Variants in NAA35 observed in about 807,000 individuals in gnomAD.
NAA35 encodes MAK10 homolog, amino-acid N-acetyltransferase subunit.
NAA35 carries 18 observed loss-of-function variants against 101.7 expected under a neutral mutation model. That is an observed-to-expected ratio of 0.18 (90% CI 0.12 to 0.26). The LOEUF (loss-of-function observed/expected upper bound fraction) is 0.26. Ranked by LOEUF, NAA35 falls within the 10% of genes least tolerant of loss-of-function variation. NAA35 has a pLI of 1.00. For missense variants in NAA35, 601 were observed against 886.8 expected, an observed-to-expected ratio of 0.68 and a Z score of 4.09; for synonymous variants, 267 against 273.1, an observed-to-expected ratio of 0.98 and a Z score of 0.22.
Position 86,023,869 on chromosome 9 carries a change from G to C in NAA35, c.*1909G>C, listed in dbSNP as rs558933537. On this transcript the variant is annotated 3_prime_UTR_variant, in exon 23 of 23. Transcript: ENST00000361671. The stretch of plus-strand genomic sequence containing the variant: ...TAATTTTTGGTTTTTAGTTTGTTTA[G>C]AGAGGAGGTTTCACTATGTTGCCCA... Among the ~76,000 whole-genome samples, 1 of 152,190 alleles carries C rather than the reference G, an allele frequency of 6.6e-6. No homozygotes were observed. Among genetic ancestry groups the C allele is most frequent in the Non-Finnish European group, 1.5e-5 (1 of 68,044 alleles).
At chr9:85,997,913 T>A (rs1395922826) in intron 12 of NAA35, among the ~76,000 whole-genome samples, 1 of 151,924 alleles carries the variant, frequency 6.6e-6, no homozygotes, top group African/African-American at 2.4e-5. Context: ...GTGTATATAT[T>A]TTTTTTGTTT....
intron 2 of NAA35, among the ~76,000 whole-genome samples, chr9:85,944,871 T>A (rs951167060): frequency 2.0e-5 from 3 of 152,222 alleles, no homozygotes; most frequent in Non-Finnish European, 4.4e-5. Flanking sequence ...TGGGACATGA[T>A]GTTCACCCAG....
chr9:85,969,537 A>G (rs1419556491), intron 6 of NAA35, among the ~76,000 whole-genome samples: 1 of 152,186 alleles, frequency 6.6e-6, no homozygotes, highest in African/African-American at 2.4e-5. Context: ...TAGATAATTT[A>G]CATCAGCATG....
At chr9:85,963,554 C>T (rs1288603271) in intron 6 of NAA35, among the ~76,000 whole-genome samples, 1 of 152,044 alleles carries the variant, frequency 6.6e-6, no homozygotes, top group Non-Finnish European at 1.5e-5. Context: ...CAGGCATGAA[C>T]CACTGTTCCT....
At chr9:85,948,003 G>A (rs753380587) in intron 2 of NAA35, among the ~76,000 whole-genome samples, 1 of 152,070 alleles carries the variant, frequency 6.6e-6, no homozygotes, top group Non-Finnish European at 1.5e-5. Context: ...TTCATCTTAG[G>A]AGCTTTAGTT....
chr9:86,013,605 T>C (rs956415483), intron 16 of NAA35, 114 bp from the exon 17 acceptor site: 2 of 923,738 alleles, frequency 2.2e-6, no homozygotes, highest in Non-Finnish European at 3.3e-6. Flanking sequence ...TTTCTTTGGG[T>C]GGTCAGATTT....
At chr9:85,961,982 C>A (rs1350222628) in intron 5 of NAA35, 31 bp from the exon 6 acceptor site, 1 of 1,567,940 alleles carries the variant, frequency 6.4e-7, no homozygotes, top group Non-Finnish European at 8.6e-7. Context: ...AGTTTATCAC[C>A]TTAAATATAT....
intron 6 of NAA35, among the ~76,000 whole-genome samples, chr9:85,966,344 A>G (rs571266573): frequency 1.3e-5 from 2 of 152,336 alleles, no homozygotes; most frequent in East Asian, 3.9e-4. Context: ...AAAAACTTTT[A>G]GGAAAAATAA....
At position 86,023,030 on chromosome 9, in the gene NAA35, A is replaced by G. The variant is rs77013056; in HGVS notation, c.*1070A>G. Among the ~76,000 whole-genome samples the G allele has an allele frequency of 7.4e-3, 1,132 of 152,258 alleles. 10 individuals carry two copies. The highest frequency in any genetic ancestry group is 0.026 in the African/African-American group (1,080 of 41,538). ...CTCAGCTTCAAATATCTTAACTCTG[A>G]TTTGGTACCTTTCATAAAAACATGA... is the stretch of plus-strand genomic sequence containing the variant. On this transcript the variant is annotated 3_prime_UTR_variant, in exon 23 of 23. Coordinates refer to ENST00000361671, the MANE Select transcript of NAA35 (RefSeq NM_024635.4).
chr9:86,007,046 G>C (rs1159587419), intron 13 of NAA35, among the ~76,000 whole-genome samples: 1 of 152,124 alleles, frequency 6.6e-6, no homozygotes, highest in Non-Finnish European at 1.5e-5. Flanking sequence ...CTATTTCATA[G>C]TTTATGAAGC....
intron 3 of NAA35, 129 bp downstream of exon 3, chr9:85,956,522 T>C: frequency 2.1e-6 from 1 of 474,250 alleles, no homozygotes; most frequent in Middle Eastern, 5.8e-4. Context: ...AAACTAATTA[T>C]AAATATATTT....
chr9:85,989,336 T>C (rs1830793793), intron 11 of NAA35, among the ~76,000 whole-genome samples: 1 of 151,948 alleles, frequency 6.6e-6, no homozygotes, highest in Non-Finnish European at 1.5e-5. Context: ...CTGGGCGTGG[T>C]AGTGGGCGCC....
intron 15 of NAA35, among the ~76,000 whole-genome samples, chr9:86,012,546 G>A (rs1339403935): frequency 6.6e-6 from 1 of 152,136 alleles, no homozygotes; most frequent in Non-Finnish European, 1.5e-5. Context: ...TTCTAACTCA[G>A]ACTTACAAAT....
rs1177818091 is a variant in NAA35, at chr9:85,959,815, A to C, written c.296A>C (p.Asp99Ala). The C allele has an allele frequency of 6.2e-7, 1 of 1,609,916 alleles. No homozygotes were observed. Among genetic ancestry groups the C allele is most frequent in the Admixed American group, 1.7e-5 (1 of 58,910 alleles). Reference protein sequence around the residue: ...AIKDGTIKIKDLTLPELIGIM... With the variant: ...AIKDGTIKIKALTLPELIGIM... ...TAGGATGGCACTATTAAAATTAAAG[A>C]TCTCACCTTGCCTGAACTGATAGGG... The change falls in exon 5 of 23, where the codon GAT becomes GCT. Residue 99 changes from aspartate to alanine, a missense_variant. By Grantham distance (126) the Asp-to-Ala change is moderately radical (BLOSUM62 -2). This residue lies in a region of NAA35 where 42 missense variants were observed against 41.2 expected (regional missense o/e 1.02). Coordinates refer to ENST00000361671, the MANE Select transcript of NAA35 (RefSeq NM_024635.4).
intron 12 of NAA35, among the ~76,000 whole-genome samples, chr9:85,998,562 A>G (rs1426915875): frequency 6.6e-6 from 1 of 152,202 alleles, no homozygotes; most frequent in African/African-American, 2.4e-5. Context: ...TTTTGGATTA[A>G]TATTTTTTAT....
intron 19 of NAA35, among the ~76,000 whole-genome samples, chr9:86,018,032 C>G (rs1448135843): frequency 6.6e-6 from 1 of 152,138 alleles, no homozygotes; most frequent in African/African-American, 2.4e-5. Flanking sequence ...CTTGGCAGTC[C>G]AAGAAATCAT....
At chr9:86,010,813 G>A (rs932898178) in intron 15 of NAA35, among the ~76,000 whole-genome samples, 2 of 150,758 alleles carry the variant, frequency 1.3e-5, no homozygotes, top group African/African-American at 4.9e-5. Context: ...TCCTAACCTC[G>A]TGATCCACCC....
chr9:86,003,460 G>T, intron 12 of NAA35, 125 bp from the exon 13 acceptor site: 1 of 452,626 alleles, frequency 2.2e-6, no homozygotes, highest in Non-Finnish European at 3.9e-6. Flanking sequence ...ACCTTTATTT[G>T]TCATATTTTA....
chr9:85,970,535 G>A (rs1051891696), intron 6 of NAA35, among the ~76,000 whole-genome samples: 5 of 152,108 alleles, frequency 3.3e-5, no homozygotes, highest in South Asian at 4.1e-4. Context: ...GACACGTGCC[G>A]GCTTATACAG....
Sources: gnomAD v4.1 joint callset for allele counts (sites outside exome capture counted in the v4.1 genomes callset) on GRCh38, gnomAD v4.1.1 for gene constraint, gnomAD v4.1.1 regional missense constraint, MANE v1.5 for transcripts, NCBI Gene and HGNC (gene_info 2026-07-23, HGNC 2026-07-21) for gene names.